Variants in RPS6KC1 observed in about 807,000 individuals in gnomAD.
RPS6KC1 encodes ribosomal protein S6 kinase C1.
RPS6KC1 carries 54 observed loss-of-function variants against 103.8 expected under a neutral mutation model. That is an observed-to-expected ratio of 0.52 (90% CI 0.42 to 0.65). The LOEUF is 0.65. RPS6KC1 is among the 30% of genes least tolerant of loss of function. The pLI, the probability that RPS6KC1 is intolerant of heterozygous loss-of-function variation, is 0.00. For synonymous variants in RPS6KC1, 439 were observed against 438.7 expected, an observed-to-expected ratio of 1.00 and a Z score of -0.01; for missense variants, 1,151 against 1,253.8, an observed-to-expected ratio of 0.92 and a Z score of 1.24.
chr1:213,776,608 GCAT>G, the RPS6KC1 span, among the ~76,000 whole-genome samples: 1 of 152,178 alleles, frequency 6.6e-6, no homozygotes, highest in Non-Finnish European at 1.5e-5. Context: ...AGTAGATTGA[GCAT>G]CATTTTTAAG....
At chr1:213,441,142 T>A in the RPS6KC1 span, among the ~76,000 whole-genome samples, 1 of 152,212 alleles carries the variant, frequency 6.6e-6, no homozygotes. Context: ...ATACTTCACA[T>A]AGGCCCCTTT....
At chr1:213,267,451 A>G (rs1558663903) in intron 14 of RPS6KC1, among the ~76,000 whole-genome samples, 1 of 152,034 alleles carries the variant, frequency 6.6e-6, no homozygotes. Flanking sequence ...ATCAGACTCT[A>G]GAGTTGCTAA....
the RPS6KC1 span, among the ~76,000 whole-genome samples, chr1:213,728,893 G>C: frequency 1.9e-3 from 269 of 144,184 alleles, 1 homozygote; most frequent in African/African-American, 6.7e-3. Flanking sequence ...TTTAATGGCA[G>C]TCAGAAGTAT....
At chr1:213,310,893 T>C in the RPS6KC1 span, among the ~76,000 whole-genome samples, 1 of 152,182 alleles carries the variant, frequency 6.6e-6, no homozygotes, top group Admixed American at 6.5e-5. Flanking sequence ...GGGCACTGCA[T>C]GGATCCATCC....
chr1:213,835,954 C>T, the RPS6KC1 span: 2 of 151,972 alleles, frequency 1.3e-5, no homozygotes, highest in South Asian at 2.1e-4. Context: ...CCAGGTTCCT[C>T]ATTCAAAATC....
chr1:213,282,426 T>C, the RPS6KC1 span, among the ~76,000 whole-genome samples: 3 of 152,228 alleles, frequency 2.0e-5, no homozygotes, highest in Non-Finnish European at 4.4e-5. Context: ...CACAAATCAC[T>C]AAAAATGTTG....
chr1:213,521,712 T>C, the RPS6KC1 span, among the ~76,000 whole-genome samples: 1 of 152,240 alleles, frequency 6.6e-6, no homozygotes, highest in South Asian at 2.1e-4. Context: ...TCACCAGGAA[T>C]AGATTTCATT....
At chr1:213,407,100 A>G in the RPS6KC1 span, among the ~76,000 whole-genome samples, 1 of 152,134 alleles carries the variant, frequency 6.6e-6, no homozygotes, top group African/African-American at 2.4e-5. Context: ...CTGACATCCT[A>G]CAGGTGGACT....
chr1:213,790,338 A>G, the RPS6KC1 span, among the ~76,000 whole-genome samples: 1 of 152,222 alleles, frequency 6.6e-6, no homozygotes, highest in African/African-American at 2.4e-5. Flanking sequence ...GAGAGCCTAC[A>G]GTCAACAGTA....
chr1:213,154,285 G>A (rs1039517548), intron 6 of RPS6KC1, among the ~76,000 whole-genome samples: 1 of 152,202 alleles, frequency 6.6e-6, no homozygotes, highest in Non-Finnish European at 1.5e-5. Context: ...GAAGGCCCTG[G>A]GACTCTGCAG....
At chr1:213,460,046 G>A in the RPS6KC1 span, among the ~76,000 whole-genome samples, 86 of 152,280 alleles carry the variant, frequency 5.6e-4, 1 homozygote, top group Non-Finnish European at 9.1e-4. Context: ...GTGCTGAGAA[G>A]AATGTATATT....
chr1:213,164,963 G>T (rs555312361), intron 6 of RPS6KC1, among the ~76,000 whole-genome samples: 162 of 152,276 alleles, frequency 1.1e-3, no homozygotes, highest in African/African-American at 3.8e-3. Context: ...TTTTAAAAGG[G>T]AGAACAAGAA....
chr1:213,756,758 A>G, the RPS6KC1 span, among the ~76,000 whole-genome samples: 1 of 151,986 alleles, frequency 6.6e-6, no homozygotes, highest in Non-Finnish European at 1.5e-5. Context: ...TTGGGACTAC[A>G]GGCACACACC....
At chr1:213,237,408 A>T (rs982422307) in intron 10 of RPS6KC1, among the ~76,000 whole-genome samples, 1 of 152,148 alleles carries the variant, frequency 6.6e-6, no homozygotes, top group Non-Finnish European at 1.5e-5. Flanking sequence ...TGCTTAGAAT[A>T]GTACCTGGTA....
chr1:213,531,504 G>A, the RPS6KC1 span, among the ~76,000 whole-genome samples: 1 of 152,174 alleles, frequency 6.6e-6, no homozygotes, highest in Non-Finnish European at 1.5e-5. Context: ...TACGGCACAG[G>A]TAAGGTCAGT....
the RPS6KC1 span, among the ~76,000 whole-genome samples, chr1:213,835,260 G>C: frequency 1.3e-3 from 195 of 152,336 alleles, no homozygotes; most frequent in Non-Finnish European, 1.8e-3. Context: ...TCTTTGAATG[G>C]CAAGGACAAG....
the RPS6KC1 span, among the ~76,000 whole-genome samples, chr1:213,399,159 T>C: frequency 1.3e-5 from 2 of 152,240 alleles, no homozygotes; most frequent in African/African-American, 4.8e-5. Context: ...GTACAGACTA[T>C]GCATGAAGCC....
chr1:213,396,111 T>C, the RPS6KC1 span, among the ~76,000 whole-genome samples: 1 of 152,054 alleles, frequency 6.6e-6, no homozygotes, highest in African/African-American at 2.4e-5. Flanking sequence ...ATGCAGTGAG[T>C]TGGAGGCTTA....
In RPS6KC1 at chr1:213,171,390, T is replaced by C. The variant is rs888019541; in HGVS notation, c.951+3417T>C. ...CAAATAAATCCTAGACAACGTTGAA[T>C]GATTTAAGAATTAATGTTGAAAGAA... On this transcript the variant is annotated intron_variant, in intron 7 of 14. Transcript: ENST00000366960. 2.0e-5 allele frequency among the ~76,000 whole-genome samples: 3 copies of C among 152,020 alleles called. No homozygotes were observed. The East Asian group carries it at 5.8e-4, about 29-fold the overall frequency.
Sources: allele counts gnomAD v4.1 joint callset (sites outside exome capture counted in the v4.1 genomes callset), GRCh38; gene constraint gnomAD v4.1.1; transcripts MANE v1.5; gene names NCBI Gene and HGNC (gene_info 2026-07-23, HGNC 2026-07-21).